Variants in POLR3B observed in about 807,000 individuals in gnomAD.
POLR3B encodes the protein DNA-directed RNA polymerase III subunit RPC2.
POLR3B carries 96 observed loss-of-function variants against 147.4 expected under a neutral mutation model. The ratio of observed to expected loss-of-function variants is 0.65; its 90% CI spans 0.55 to 0.77. The LOEUF is 0.77. Among genes scored for constraint, POLR3B ranks in the 30% least tolerant of loss-of-function variants. The pLI is 0.00. For synonymous variants in POLR3B, 461 were observed against 485.9 expected, an observed-to-expected ratio of 0.95 and a Z score of 0.67; for missense variants, 1,036 against 1,413.5, an observed-to-expected ratio of 0.73 and a Z score of 4.28.
intron 23 of POLR3B, among the ~76,000 whole-genome samples, chr12:106,484,961 C>T (rs2038318276): frequency 6.6e-6 from 1 of 152,022 alleles, no homozygotes; most frequent in South Asian, 2.1e-4. Context: ...GGGGCATATC[C>T]TATAGGGCCT....
intron 10 of POLR3B, among the ~76,000 whole-genome samples, chr12:106,398,483 T>A (rs1321773175): frequency 6.6e-6 from 1 of 151,928 alleles, no homozygotes; most frequent in African/African-American, 2.4e-5. Flanking sequence ...TTGAAGAGAG[T>A]AGTGGTTCTC....
Position 106,359,885 on chromosome 12 carries a change from C to T in POLR3B, c.72+1934C>T, listed in dbSNP as rs1294123079. 4.6e-5 allele frequency among the ~76,000 whole-genome samples: 7 copies of T among 152,326 alleles called. No homozygotes were observed. In the East Asian group the frequency reaches 1.2e-3, roughly 25 times the overall value. On this transcript the variant is annotated intron_variant, in intron 1 of 27. Coordinates refer to ENST00000228347, the MANE Select transcript of POLR3B (RefSeq NM_018082.6). ...TGACTCGAGTCTTCATCCCTAACTG[C>T]TATCGGACCGCTTCTCCAGAGAGCT...
chr12:106,496,649 CTGTTAT>C, intron 24 of POLR3B, 97 bp from the exon 25 acceptor site: 1 of 961,688 alleles, frequency 1.0e-6, no homozygotes, highest in Non-Finnish European at 1.6e-6. Context: ...TAATTTATTA[CTGTTAT>C]TAATAGTGGT....
intron 12 of POLR3B, among the ~76,000 whole-genome samples, chr12:106,413,872 TTGAG>T (rs1184138685): frequency 6.6e-6 from 1 of 152,074 alleles, no homozygotes; most frequent in African/African-American, 2.4e-5. Flanking sequence ...TGTTCAGTAA[TTGAG>T]TTTTTTGTTG....
intron 19 of POLR3B, among the ~76,000 whole-genome samples, chr12:106,446,950 G>C (rs1458810083): frequency 6.6e-6 from 1 of 152,204 alleles, no homozygotes; most frequent in Non-Finnish European, 1.5e-5. Context: ...ACCCACAGCA[G>C]ATACCCAGGT....
At chr12:106,410,583 A>G in intron 11 of POLR3B, 2 of 517,454 alleles carry the variant, frequency 3.9e-6, no homozygotes, top group Non-Finnish European at 7.0e-6. Context: ...AGTTTATATG[A>G]AGGGAAGAAG....
At chr12:106,507,062 T>C (rs956169683) in intron 27 of POLR3B, among the ~76,000 whole-genome samples, 1 of 152,128 alleles carries the variant, frequency 6.6e-6, no homozygotes, top group Admixed American at 6.5e-5. Context: ...CGACTGTTGT[T>C]CTACAGAAGA....
intron 23 of POLR3B, among the ~76,000 whole-genome samples, chr12:106,465,658 T>C (rs2037993965): frequency 1.3e-5 from 2 of 152,180 alleles, no homozygotes; most frequent in South Asian, 4.1e-4. Flanking sequence ...TTCCCCTCCC[T>C]GTGTCCAAGT....
Position 106,433,756 on chromosome 12 carries a change from A to G in POLR3B, c.1665A>G (p.Leu555=), listed in dbSNP as rs546320667. 6 of 1,613,660 alleles carry G rather than the reference A, an allele frequency of 3.7e-6. No homozygotes were observed. The East Asian group carries it at 8.9e-5, about 24-fold the overall frequency. The change falls in exon 16 of 28, where the codon CTA becomes CTG. Residue 555 remains leucine, a synonymous_variant. Transcript: ENST00000228347. ...GTGTCATTCGAGACCACAAAAAGCT[A>G]GTGAATACATTTCGACTCATGAGAA... The part of the protein sequence containing the change: ...ILGVIRDHKK[L]VNTFRLMRRA...
At chr12:106,394,653 A>T (rs527465823) in intron 10 of POLR3B, among the ~76,000 whole-genome samples, 11 of 152,210 alleles carry the variant, frequency 7.2e-5, no homozygotes, top group Non-Finnish European at 1.6e-4. Context: ...GAGCCCAAAC[A>T]GTAGGTTGGA....
chr12:106,427,134 T>C (rs1593035112), intron 12 of POLR3B, 63 bp from the exon 13 acceptor site: 2 of 1,104,930 alleles, frequency 1.8e-6, no homozygotes, highest in East Asian at 5.2e-5. Flanking sequence ...GACCTAAAAT[T>C]TATTAAAATA....
intron 13 of POLR3B, among the ~76,000 whole-genome samples, chr12:106,428,730 A>G (rs1449952352): frequency 6.6e-6 from 1 of 152,200 alleles, no homozygotes; most frequent in African/African-American, 2.4e-5. Context: ...TAATGAAATA[A>G]GTAATAATAT....
In POLR3B at chr12:106,362,775, A is replaced by G. The variant is rs574220754; in HGVS notation, c.73-1095A>G. 2.6e-5 allele frequency among the ~76,000 whole-genome samples: 4 copies of G among 152,262 alleles called. No homozygotes were observed. In the South Asian group the frequency reaches 8.3e-4, roughly 32 times the overall value. ...CTTTAGCATATGAATTTTGAGAGGG[A>G]CACAATTCAACCTATATCATTGTCA... On this transcript the variant is annotated intron_variant, in intron 1 of 27. Transcript: ENST00000228347.
intron 12 of POLR3B, among the ~76,000 whole-genome samples, chr12:106,415,723 TA>T (rs2037293409): frequency 6.6e-6 from 1 of 152,204 alleles, no homozygotes; most frequent in African/African-American, 2.4e-5. Flanking sequence ...TTTTAAAAAG[TA>T]ATGTTAGCAG....
intron 23 of POLR3B, among the ~76,000 whole-genome samples, chr12:106,477,635 G>A (rs1213676185): frequency 8.5e-5 from 13 of 152,060 alleles, no homozygotes; most frequent in South Asian, 2.1e-4. Flanking sequence ...GTCCAGGTGC[G>A]TCCGTCACCC....
At chr12:106,476,811 G>C (rs1335514570) in intron 23 of POLR3B, among the ~76,000 whole-genome samples, 1 of 152,006 alleles carries the variant, frequency 6.6e-6, no homozygotes, top group Non-Finnish European at 1.5e-5. Context: ...CCTTTGGTTT[G>C]AATGTCCTCC....
chr12:106,496,407 T>G (rs182209063), intron 24 of POLR3B: 2 of 615,022 alleles, frequency 3.3e-6, no homozygotes, highest in African/African-American at 3.7e-5. Context: ...AATTTACCCC[T>G]CAGCAAAAGA....
intron 23 of POLR3B, among the ~76,000 whole-genome samples, chr12:106,469,171 A>C (rs2038052175): frequency 6.6e-6 from 1 of 152,044 alleles, no homozygotes; most frequent in African/African-American, 2.4e-5. Flanking sequence ...CTTCTTGTTG[A>C]ATTAACCCCT....
chr12:106,397,725 C>A (rs531346450), intron 10 of POLR3B, among the ~76,000 whole-genome samples: 3 of 152,054 alleles, frequency 2.0e-5, no homozygotes, highest in Admixed American at 6.6e-5. Flanking sequence ...TATGAATATA[C>A]CACAGTTTAT....
Sources: allele counts gnomAD v4.1 joint callset (sites outside exome capture counted in the v4.1 genomes callset), GRCh38; gene constraint gnomAD v4.1.1; transcripts MANE v1.5; gene names NCBI Gene and HGNC (gene_info 2026-07-23, HGNC 2026-07-21).